MMP16: variants seen among roughly 807,000 people sequenced by gnomAD.
MMP16 encodes the protein matrix metallopeptidase 16.
A neutral mutation model predicts 67.8 loss-of-function variants in MMP16; 12 were observed. The observed-to-expected ratio is 0.18, with a 90% CI of 0.11 to 0.29. The LOEUF (loss-of-function observed/expected upper bound fraction) is 0.29. MMP16 is among the 10% of genes least tolerant of loss of function. The pLI, the probability that MMP16 is intolerant of heterozygous loss-of-function variation, is 1.00. For synonymous variants in MMP16, 249 were observed against 255.9 expected, an observed-to-expected ratio of 0.97 and a Z score of 0.26; for missense variants, 475 against 765.7, an observed-to-expected ratio of 0.62 and a Z score of 4.48.
intron 1 of MMP16, among the ~76,000 whole-genome samples, chr8:88,312,510 A>G (rs1042203299): frequency 1.4e-4 from 22 of 151,982 alleles, no homozygotes; most frequent in African/African-American, 5.3e-4. Flanking sequence ...TAAGTGTACA[A>G]TTTGATAAGT....
rs555396117 is a variant in MMP16, at chr8:88,157,229, C to CT, written c.709+10439dup. ...CATCTGTACCAGATATGTACAGACT[C>CT]TTTAACTCTTGCCCTTATTCTCTAA... On this transcript the variant is annotated intron_variant, in intron 4 of 9. Coordinates refer to ENST00000286614, the MANE Select transcript of MMP16 (RefSeq NM_005941.5). 8.9e-4 allele frequency among the ~76,000 whole-genome samples: 136 copies of CT among 152,262 alleles called. 1 individual carries two copies. The Middle Eastern group carries it at 0.01, about 11-fold the overall frequency.
intron 1 of MMP16, among the ~76,000 whole-genome samples, chr8:88,215,195 T>C (rs1301979201): frequency 6.6e-6 from 1 of 151,874 alleles, no homozygotes; most frequent in Non-Finnish European, 1.5e-5. Flanking sequence ...CTGGGCGTGG[T>C]GGTGGGCACC....
chr8:88,078,954 A>G (rs1586139104), intron 6 of MMP16, among the ~76,000 whole-genome samples: 1 of 152,026 alleles, frequency 6.6e-6, no homozygotes, highest in South Asian at 2.1e-4. Context: ...CACCACTGTC[A>G]CCATCCGAGT....
At chr8:88,232,381 G>A (rs995228355) in intron 1 of MMP16, among the ~76,000 whole-genome samples, 2 of 151,952 alleles carry the variant, frequency 1.3e-5, no homozygotes, top group African/African-American at 4.8e-5. Context: ...CTGTAAAACC[G>A]GCAAATAGTT....
At chr8:88,197,837 A>G (rs1036218308) in intron 1 of MMP16, among the ~76,000 whole-genome samples, 3 of 152,186 alleles carry the variant, frequency 2.0e-5, no homozygotes, top group African/African-American at 7.2e-5. Context: ...CCATAAAACC[A>G]TTCTATCCAA....
intron 1 of MMP16, among the ~76,000 whole-genome samples, chr8:88,281,479 C>G (rs979254912): frequency 6.6e-6 from 1 of 152,244 alleles, no homozygotes; most frequent in Non-Finnish European, 1.5e-5. Flanking sequence ...ATGACTACAG[C>G]TTCAGCTGCC....
chr8:88,281,333 G>GCTCAAGGGTTAAGAGAGAGCT, intron 1 of MMP16, among the ~76,000 whole-genome samples: 1 of 152,266 alleles, frequency 6.6e-6, no homozygotes, highest in East Asian at 1.9e-4. Context: ...TGGATGATGA[G>GCTCAAGGGTTAAGAGAGAGCT]CTCAAGGGTT....
intron 1 of MMP16, among the ~76,000 whole-genome samples, chr8:88,226,165 A>G (rs1026623421): frequency 1.5e-4 from 22 of 151,668 alleles, no homozygotes; most frequent in African/African-American, 5.3e-4. Flanking sequence ...TCCTTTTCCC[A>G]TTTTTTTCAA....
In MMP16 at chr8:88,189,244, A is replaced by G. The variant is rs142215152; in HGVS notation, c.282-2646T>C. On this transcript the variant is annotated intron_variant, in intron 2 of 9. Transcript: ENST00000286614. ...CACAGGTAAGACATGTATCATTTAA[A>G]AAGTACAATATAATGGGGTAAGTGC... Among the ~76,000 whole-genome samples the G allele has an allele frequency of 5.4e-3, 823 of 152,322 alleles. 6 individuals carry two copies. The highest frequency in any genetic ancestry group is 0.018 in the African/African-American group (769 of 41,578).
At chr8:88,262,513 C>T (rs1239182341) in intron 1 of MMP16, among the ~76,000 whole-genome samples, 2 of 152,172 alleles carry the variant, frequency 1.3e-5, no homozygotes, top group Admixed American at 6.5e-5. Context: ...TGAGGCTCCT[C>T]GCTAGCAGTA....
intron 1 of MMP16, among the ~76,000 whole-genome samples, chr8:88,216,658 T>C (rs780112175): frequency 1.3e-5 from 2 of 152,148 alleles, no homozygotes; most frequent in Non-Finnish European, 2.9e-5. Context: ...TTGGAGAATG[T>C]CTATCAAGTT....
intron 6 of MMP16, among the ~76,000 whole-genome samples, chr8:88,087,497 G>A (rs1808853443): frequency 6.6e-6 from 1 of 151,902 alleles, no homozygotes; most frequent in Non-Finnish European, 1.5e-5. Flanking sequence ...GACATAGGAA[G>A]AGGGAAAGGG....
At chr8:88,202,268 G>A (rs571525704) in intron 1 of MMP16, among the ~76,000 whole-genome samples, 1 of 152,198 alleles carries the variant, frequency 6.6e-6, no homozygotes, top group Non-Finnish European at 1.5e-5. Flanking sequence ...TGGACAGGAA[G>A]AGAAGAAAAC....
At position 88,186,490 on chromosome 8, in the gene MMP16, C is replaced by T; in HGVS notation, c.390G>A (p.Lys130=). Reference sequence around the variant, plus strand: ...AGTTCTTATACCTGTAAGTGATGTGCTTGTGCTGCCATTTCTGTCCTGTCA... The same window carrying T: ...AGTTCTTATACCTGTAAGTGATGTGTTTGTGCTGCCATTTCTGTCCTGTCA... The part of the protein sequence containing the change: ...YALTGQKWQH[K]HITYSIKNVT... Residue 130 remains lysine (K), a synonymous_variant, in exon 3 of 10, where the codon AAG becomes AAA. Transcript: ENST00000286614. 1.9e-6 allele frequency: 3 copies of T among 1,610,252 alleles called. No homozygotes were observed. The highest frequency in any genetic ancestry group is 1.1e-5 in the South Asian group (1 of 90,940).
At chr8:88,066,784 T>C (rs142229230) in intron 7 of MMP16, among the ~76,000 whole-genome samples, 53 of 152,194 alleles carry the variant, frequency 3.5e-4, no homozygotes, top group African/African-American at 1.1e-3. Flanking sequence ...ACTTGTCCAC[T>C]TACTTGTACC....
At chr8:88,308,550 G>C (rs1380220156) in intron 1 of MMP16, among the ~76,000 whole-genome samples, 1 of 152,070 alleles carries the variant, frequency 6.6e-6, no homozygotes, top group African/African-American at 2.4e-5. Context: ...CTGAGCAAGA[G>C]TGAGGGAAAG....
chr8:88,045,800 T>C (rs756869297), intron 9 of MMP16, among the ~76,000 whole-genome samples: 1 of 152,172 alleles, frequency 6.6e-6, no homozygotes, highest in Non-Finnish European at 1.5e-5. Flanking sequence ...AAGAGATGCC[T>C]ATTTTTGCTT....
At chr8:88,123,354 G>A (rs894672550) in intron 4 of MMP16, among the ~76,000 whole-genome samples, 3 of 151,940 alleles carry the variant, frequency 2.0e-5, no homozygotes, top group East Asian at 1.9e-4. Context: ...CTGAAGGAAC[G>A]TCTGTGATTG....
intron 1 of MMP16, among the ~76,000 whole-genome samples, chr8:88,293,901 T>C (rs1319575578): frequency 6.6e-6 from 1 of 152,078 alleles, no homozygotes; most frequent in Middle Eastern, 3.2e-3. Flanking sequence ...GCCAGACACT[T>C]TTCTGGATGC....
Sources: allele counts gnomAD v4.1 joint callset (sites outside exome capture counted in the v4.1 genomes callset), GRCh38; gene constraint gnomAD v4.1.1; transcripts MANE v1.5; gene names NCBI Gene and HGNC (gene_info 2026-07-23, HGNC 2026-07-21).